The following OSBPL8 variants were observed in gnomAD, a reference collection of about 807,000 sequenced individuals.
OSBPL8 encodes the protein oxysterol binding protein like 8.
Under a neutral mutation model 125.5 loss-of-function variants are expected in OSBPL8, and 59 were observed. The ratio of observed to expected loss-of-function variants is 0.47; its 90% CI spans 0.38 to 0.58. The LOEUF (loss-of-function observed/expected upper bound fraction) is 0.58, where lower values mean the gene tolerates loss of function less well. OSBPL8 is among the 20% of genes least tolerant of loss of function. OSBPL8 has a pLI of 0.00. For synonymous variants in OSBPL8, 330 were observed against 338.9 expected (o/e 0.97, Z 0.29); for missense variants, 758 against 1,047.8 (o/e 0.72, Z 3.82).
chr12:76,526,352 C>T (rs939003958), intron 1 of OSBPL8, among the ~76,000 whole-genome samples: 15 of 152,054 alleles, frequency 9.9e-5, no homozygotes, highest in Non-Finnish European at 2.1e-4. Context: ...TCTCCATCAG[C>T]CACATACTTT....
Position 76,450,903 on chromosome 12 carries a change from T to C in OSBPL8, c.165A>G (p.Pro55=). 6.2e-7 allele frequency: 1 copy of C among 1,614,020 alleles called. No homozygotes were observed. The highest frequency in any genetic ancestry group is 8.5e-7 in the Non-Finnish European group (1 of 1,179,968). The part of the protein sequence containing the change: ...QRQGKEAYPT[P]TKDLHQPSLS... ...GAGATGGCTGATGCAAATCTTTGGT[T>C]GGCGTTGGATAAGCTTCTTTTCCTT... The change falls in exon 4 of 24, where the codon CCA becomes CCG. Residue 55 remains proline (P), a synonymous_variant. Transcript: ENST00000261183.
intron 1 of OSBPL8, among the ~76,000 whole-genome samples, chr12:76,493,651 A>G (rs1184404964): frequency 2.0e-5 from 3 of 152,140 alleles, no homozygotes; most frequent in Non-Finnish European, 4.4e-5. Flanking sequence ...GCTGCTTTTA[A>G]AATTCTCTTT....
At chr12:76,524,007 T>A (rs997748460) in intron 1 of OSBPL8, among the ~76,000 whole-genome samples, 5 of 152,182 alleles carry the variant, frequency 3.3e-5, no homozygotes, top group Admixed American at 6.5e-5. Context: ...TTATGATACG[T>A]TAACTTTTTT....
intron 15 of OSBPL8, among the ~76,000 whole-genome samples, 174 bp downstream of exon 15, chr12:76,384,080 C>T (rs1309473606): frequency 2.0e-5 from 3 of 152,138 alleles, no homozygotes; most frequent in Non-Finnish European, 4.4e-5. Context: ...GTGATGAATA[C>T]ATAAGCCACA....
intron 7 of OSBPL8, among the ~76,000 whole-genome samples, chr12:76,398,576 T>A (rs912084924): frequency 7.2e-5 from 11 of 152,204 alleles, no homozygotes; most frequent in Non-Finnish European, 1.2e-4. Context: ...TCTATTTCCA[T>A]CATCTATTAA....
At chr12:76,411,027 G>C (rs1224857944) in intron 4 of OSBPL8, among the ~76,000 whole-genome samples, 3 of 152,076 alleles carry the variant, frequency 2.0e-5, no homozygotes, top group Non-Finnish European at 4.4e-5. Context: ...TGAAAGACTG[G>C]GGAAATAAAT....
At chr12:76,397,128 G>C (rs766387235) in intron 8 of OSBPL8, among the ~76,000 whole-genome samples, 14 of 151,794 alleles carry the variant, frequency 9.2e-5, no homozygotes, top group Non-Finnish European at 1.9e-4. Flanking sequence ...GTAATGCTTT[G>C]CAGTTATAAA....
chr12:76,377,689 G>A (rs750552263), intron 16 of OSBPL8, among the ~76,000 whole-genome samples: 2 of 152,066 alleles, frequency 1.3e-5, no homozygotes, highest in Non-Finnish European at 2.9e-5. Context: ...AAGATTTTAA[G>A]AAACCGGTTG....
chr12:76,437,439 A>G (rs1416209953), intron 4 of OSBPL8, among the ~76,000 whole-genome samples: 1 of 152,124 alleles, frequency 6.6e-6, no homozygotes, highest in African/African-American at 2.4e-5. Context: ...CATCCGTGTT[A>G]CCTCTTCTGT....
intron 3 of OSBPL8, among the ~76,000 whole-genome samples, chr12:76,451,568 T>C (rs960245053): frequency 1.3e-5 from 2 of 152,186 alleles, no homozygotes; most frequent in Non-Finnish European, 2.9e-5. Flanking sequence ...AGAGGCAAGA[T>C]TCTAACTCAG....
Position 76,355,600 on chromosome 12 carries a change from A to C in OSBPL8, c.*289T>G, listed in dbSNP as rs979198261. 2.1e-5 allele frequency: 5 copies of C among 241,600 alleles called. No individual in the cohort carries two copies. Among genetic ancestry groups the C allele is most frequent in the African/African-American group, 1.1e-4 (5 of 43,926 alleles). 15.0% of individuals were successfully genotyped at this position (241,600 alleles called of 1,614,324 possible). A position where few individuals can be genotyped will look rare whatever the true frequency, so the allele number is the denominator to read the frequency against. ...CTACTGTCAGGTAGGAGTACATAAG[A>C]GACAATTGTGTATACATGTGGGTTT... On this transcript the variant is annotated 3_prime_UTR_variant, in exon 24 of 24. Transcript: ENST00000261183.
In OSBPL8 at chr12:76,386,698, G is replaced by T; in HGVS notation, c.1353-38C>A. On this transcript the variant is annotated intron_variant, in intron 12 of 23. Transcript: ENST00000261183. ...ACGGTAAACAAAAATTTTAAAAAAT[G>T]TATCACAAATTCTCTCTCACATTTA... 2.1e-6 allele frequency: 3 copies of T among 1,426,074 alleles called. No homozygotes were observed. In the South Asian group the frequency reaches 3.8e-5, roughly 18 times the overall value. The allele number at this position is 1,426,074 out of a possible 1,614,324, so 88.3% of individuals were successfully genotyped here.
intron 1 of OSBPL8, among the ~76,000 whole-genome samples, chr12:76,490,161 T>C (rs900158844): frequency 2.6e-5 from 4 of 152,208 alleles, no homozygotes; most frequent in Non-Finnish European, 5.9e-5. Flanking sequence ...TTTCTGAAGA[T>C]AGAATCTACT....
chr12:76,356,306 GGCC>G (rs1951984619), intron 23 of OSBPL8, among the ~76,000 whole-genome samples: 1 of 152,062 alleles, frequency 6.6e-6, no homozygotes, highest in Non-Finnish European at 1.5e-5. Context: ...GGACTATAGA[GGCC>G]TTTGTTAACT....
At chr12:76,529,472 C>G (rs939987365) in intron 1 of OSBPL8, among the ~76,000 whole-genome samples, 6 of 151,626 alleles carry the variant, frequency 4.0e-5, no homozygotes, top group African/African-American at 1.5e-4. Flanking sequence ...TTTGTACTTG[C>G]CTTAGAATAG....
At chr12:76,455,360 A>G (rs1234958743) in intron 3 of OSBPL8, among the ~76,000 whole-genome samples, 5 of 152,186 alleles carry the variant, frequency 3.3e-5, no homozygotes, top group African/African-American at 1.2e-4. Flanking sequence ...TATGACACAT[A>G]TTCTTTTGTA....
chr12:76,454,054 G>C (rs986899607), intron 3 of OSBPL8, among the ~76,000 whole-genome samples: 2 of 152,226 alleles, frequency 1.3e-5, no homozygotes, highest in Non-Finnish European at 2.9e-5. Flanking sequence ...ATACTGATGA[G>C]GATGGGATCA....
At position 76,439,293 on chromosome 12, in the gene OSBPL8, C is replaced by T. The variant is rs537185385; in HGVS notation, c.217+11558G>A. ...ACTCAGGAGGCTGAGGCTGGAGAATCGCTTGAACCCAGGAGGCGGAGGTTG... is the reference window on the plus strand; with the variant it reads ...ACTCAGGAGGCTGAGGCTGGAGAATTGCTTGAACCCAGGAGGCGGAGGTTG... On this transcript the variant is annotated intron_variant, in intron 4 of 23. Coordinates refer to ENST00000261183, the MANE Select transcript of OSBPL8 (RefSeq NM_020841.5). 2.7e-3 allele frequency among the ~76,000 whole-genome samples: 418 copies of T among 152,096 alleles called. 2 individuals carry two copies. Among genetic ancestry groups the T allele is most frequent in the African/African-American group, 8.5e-3 (354 of 41,498 alleles).
chr12:76,421,885 A>T (rs1869529452), intron 4 of OSBPL8, among the ~76,000 whole-genome samples: 1 of 139,136 alleles, frequency 7.2e-6, no homozygotes, highest in Non-Finnish European at 1.6e-5. Flanking sequence ...AATGCCTAAT[A>T]AATATAACCC....
Sources: gnomAD v4.1 joint callset for allele counts (sites outside exome capture counted in the v4.1 genomes callset) on GRCh38, gnomAD v4.1.1 for gene constraint, MANE v1.5 for transcripts, NCBI Gene and HGNC (gene_info 2026-07-23, HGNC 2026-07-21) for gene names.